CACNA2D2: variants seen among roughly 807,000 people sequenced by gnomAD.
The protein encoded by CACNA2D2 is calcium voltage-gated channel auxiliary subunit alpha2delta 2.
In CACNA2D2, 48 loss-of-function variants were observed where a neutral mutation model predicts 166.4. The ratio of observed to expected loss-of-function variants is 0.29; its 90% CI spans 0.23 to 0.37. CACNA2D2 has a LOEUF of 0.37. Ranked by LOEUF, CACNA2D2 falls within the 10% of genes least tolerant of loss-of-function variation. CACNA2D2 has a pLI of 1.00. For missense variants in CACNA2D2, 1,122 were observed against 1,433.0 expected (o/e 0.78, Z 3.50); for synonymous variants, 561 against 573.7 (o/e 0.98, Z 0.32).
intron 3 of CACNA2D2, among the ~76,000 whole-genome samples, chr3:50,424,466 C>T (rs188888380): frequency 1.6e-4 from 25 of 152,314 alleles, no homozygotes; most frequent in Non-Finnish European, 1.5e-5. Context: ...GCGCTCTCCA[C>T]CTCAGGACCT....
chr3:50,496,889 G>A (rs1698746971), intron 1 of CACNA2D2, among the ~76,000 whole-genome samples: 1 of 152,180 alleles, frequency 6.6e-6, no homozygotes, highest in Non-Finnish European at 1.5e-5. Context: ...GGGGCCCAGG[G>A]TCTAAGAGGG....
chr3:50,378,113 T>A lies in CACNA2D2; in HGVS notation c.1390-16A>T. 6.2e-7 allele frequency: 1 copy of A among 1,611,198 alleles called. No individual in the cohort carries two copies. On this transcript the variant is annotated splice_polypyrimidine_tract_variant and intron_variant, in intron 14 of 37. Coordinates refer to ENST00000424201, the MANE Select transcript of CACNA2D2 (RefSeq NM_006030.4). ...CTAGATATTCCTGGGGAGGGGGCAG[T>A]GGTGGGGGTAATGAGTGCCTTTCCC... is the stretch of plus-strand genomic sequence containing the variant.
At chr3:50,489,115 T>C (rs1482231686) in intron 1 of CACNA2D2, among the ~76,000 whole-genome samples, 3 of 152,210 alleles carry the variant, frequency 2.0e-5, no homozygotes, top group Non-Finnish European at 4.4e-5. Flanking sequence ...GTTCCATCCT[T>C]ACAACTATGA....
Position 50,376,202 on chromosome 3 carries a change from T to C in CACNA2D2, c.1627-14A>G, listed in dbSNP as rs781022613. ...GTTGGCTCCAAGCTGGAGGCACAGA[T>C]TGGGGGCTCAGGGTCTGGAGGGATG... On this transcript the variant is annotated splice_polypyrimidine_tract_variant and intron_variant, in intron 17 of 37. Coordinates refer to ENST00000424201, the MANE Select transcript of CACNA2D2 (RefSeq NM_006030.4). The surrounding 1 kb of genome is among the most constrained non-coding windows in gnomAD (Gnocchi z 4.3). 8.8e-5 allele frequency: 142 copies of C among 1,612,874 alleles called. No homozygotes were observed. The highest frequency in any genetic ancestry group is 1.0e-4 in the Non-Finnish European group (121 of 1,179,866).
chr3:50,401,833 C>T (rs567862019), intron 3 of CACNA2D2, among the ~76,000 whole-genome samples: 315 of 152,096 alleles, frequency 2.1e-3, no homozygotes, highest in African/African-American at 7.4e-3. Context: ...CTCAGCCTCC[C>T]GAGTAGCTAC....
intron 23 of CACNA2D2, 135 bp downstream of exon 23, chr3:50,370,185 C>A: frequency 2.9e-6 from 2 of 681,740 alleles, no homozygotes; most frequent in South Asian, 1.7e-5. Context: ...CCGCGCATAC[C>A]GGGCGATGTA....
At chr3:50,435,191 C>A (rs1708256656) in intron 2 of CACNA2D2, among the ~76,000 whole-genome samples, 1 of 151,200 alleles carries the variant, frequency 6.6e-6, no homozygotes, top group African/African-American at 2.4e-5. Context: ...CACGTGCCTG[C>A]GTGTTGGGGC....
intron 3 of CACNA2D2, among the ~76,000 whole-genome samples, chr3:50,418,095 A>G (rs1351694919): frequency 3.3e-5 from 5 of 152,024 alleles, no homozygotes; most frequent in South Asian, 2.1e-4. Context: ...TTGTGCTCCT[A>G]TTGGCCCAAA....
At chr3:50,378,616 G>C (rs587683492) in intron 13 of CACNA2D2, among the ~76,000 whole-genome samples, 1 of 152,358 alleles carries the variant, frequency 6.6e-6, no homozygotes, top group East Asian at 1.9e-4. Flanking sequence ...GCCATTCAAA[G>C]TCCACCCGGC....
Position 50,363,949 on chromosome 3 carries a change from C to T in CACNA2D2, c.*717G>A, listed in dbSNP as rs1292499253. The T allele has an allele frequency of 6.6e-6, 1 of 152,504 alleles. No individual in the cohort carries two copies. The highest frequency in any genetic ancestry group is 2.4e-5 in the African/African-American group (1 of 41,438). The allele number at this position is 152,504 out of a possible 1,614,324, so 9.4% of individuals were successfully genotyped here. On this transcript the variant is annotated 3_prime_UTR_variant, in exon 38 of 38. Coordinates refer to ENST00000424201, the MANE Select transcript of CACNA2D2 (RefSeq NM_006030.4). Reference sequence around the variant, plus strand: ...GGTGCCAACCCTCCCACCAACCCCTCGCCCTGTGTAAGGCTTTGTAAGCCC... The same window carrying T: ...GGTGCCAACCCTCCCACCAACCCCTTGCCCTGTGTAAGGCTTTGTAAGCCC...
chr3:50,424,859 G>C (rs1291013005), intron 3 of CACNA2D2, among the ~76,000 whole-genome samples: 1 of 152,112 alleles, frequency 6.6e-6, no homozygotes, highest in Non-Finnish European at 1.5e-5. Context: ...TGAAACCTCA[G>C]GGGTTAGCTT....
intron 2 of CACNA2D2, among the ~76,000 whole-genome samples, chr3:50,442,407 C>T (rs1708641957): frequency 6.6e-6 from 1 of 152,212 alleles, no homozygotes; most frequent in African/African-American, 2.4e-5. Flanking sequence ...GAAGCACTTT[C>T]CCCAAGCAGC....
At chr3:50,474,005 T>C (rs1710205976) in intron 2 of CACNA2D2, among the ~76,000 whole-genome samples, 1 of 152,250 alleles carries the variant, frequency 6.6e-6, no homozygotes, top group Non-Finnish European at 1.5e-5. Context: ...CCTGCCACGC[T>C]GAGCACGGCC....
At chr3:50,403,988 T>C (rs1391072870) in intron 3 of CACNA2D2, among the ~76,000 whole-genome samples, 1 of 152,196 alleles carries the variant, frequency 6.6e-6, no homozygotes, top group Admixed American at 6.5e-5. Flanking sequence ...GATTCATGGA[T>C]CTGTGTGGCC....
rs1427802272 is a variant in CACNA2D2, at chr3:50,363,646, C to CA, written c.*1019dup. 5.3e-6 allele frequency: 1 copy of CA among 189,440 alleles called. No homozygotes were observed. The highest frequency in any genetic ancestry group is 1.1e-5 in the Non-Finnish European group (1 of 93,520). The allele number at this position is 189,440 out of a possible 1,614,324, so 11.7% of individuals were successfully genotyped here. Reference sequence around the variant, plus strand: ...AGAGACAAAGTCACCCCTGCTAAGGCAAAGGGTGATGTCTGGTGGGGGTTC... The same window carrying CA: ...AGAGACAAAGTCACCCCTGCTAAGGCAAAAGGGTGATGTCTGGTGGGGGTTC... On this transcript the variant is annotated 3_prime_UTR_variant, in exon 38 of 38. Coordinates refer to ENST00000424201, the MANE Select transcript of CACNA2D2 (RefSeq NM_006030.4).
chr3:50,429,475 G>A (rs553506519), intron 3 of CACNA2D2, among the ~76,000 whole-genome samples: 40 of 151,338 alleles, frequency 2.6e-4, no homozygotes, highest in African/African-American at 8.0e-4. Context: ...AACTCTGGCC[G>A]GGCGCGGTGG....
chr3:50,368,988 C>T (rs968385747), intron 23 of CACNA2D2, among the ~76,000 whole-genome samples: 5 of 152,212 alleles, frequency 3.3e-5, no homozygotes, highest in Admixed American at 2.0e-4. Flanking sequence ...GCTTCATTGT[C>T]CCATATGGCA....
rs562529689 is a variant in CACNA2D2, at chr3:50,479,468, G to T, written c.207-3269C>A. Among the ~76,000 whole-genome samples, 6 of 152,326 alleles carry T rather than the reference G, an allele frequency of 3.9e-5. No individual in the cohort carries two copies. The South Asian group carries it at 1.2e-3, about 32-fold the overall frequency. On this transcript the variant is annotated intron_variant, in intron 1 of 37. Transcript: ENST00000424201. ...CAATATGTGTGTCTCAGAGTTAAAA[G>T]AAAATAATTCATTCCATTGTCACAG...
intron 2 of CACNA2D2, among the ~76,000 whole-genome samples, chr3:50,434,912 G>C (rs1708241349): frequency 6.6e-6 from 1 of 152,244 alleles, no homozygotes; most frequent in African/African-American, 2.4e-5. Flanking sequence ...CCTCCACGCT[G>C]CTCAGGCATC....
Sources: allele counts gnomAD v4.1 joint callset (sites outside exome capture counted in the v4.1 genomes callset), GRCh38; gene constraint gnomAD v4.1.1; non-coding constraint Gnocchi (gnomAD v3.1); transcripts MANE v1.5; gene names NCBI Gene and HGNC (gene_info 2026-07-23, HGNC 2026-07-21).